Variants in PADI2 observed in about 807,000 individuals in gnomAD.
PADI2 encodes the protein peptidyl arginine deiminase 2.
A neutral mutation model predicts 81.1 loss-of-function variants in PADI2; 70 were observed. That is an observed-to-expected ratio of 0.86 (90% confidence interval 0.71 to 1.05). The LOEUF is 1.05. Ranked by LOEUF, PADI2 falls within the 50% of genes least tolerant of loss-of-function variation. The pLI is 0.00. For synonymous variants in PADI2, 338 were observed against 358.0 expected, an observed-to-expected ratio of 0.94 and a Z score of 0.63; for missense variants, 853 against 889.9, an observed-to-expected ratio of 0.96 and a Z score of 0.53.
intron 1 of PADI2, among the ~76,000 whole-genome samples, chr1:17,107,823 T>A (rs1472626064): frequency 3.3e-5 from 5 of 152,136 alleles, no homozygotes; most frequent in African/African-American, 1.2e-4. Context: ...AGGAGCTCAA[T>A]GAAGACACCC....
chr1:17,119,266 G>A lies in PADI2; in HGVS notation c.92+14C>T. The A allele has an allele frequency of 6.6e-7, 1 of 1,507,842 alleles. No individual in the cohort carries two copies. The highest frequency in any genetic ancestry group is 2.7e-5 in the East Asian group (1 of 36,422). The allele number at this position is 1,507,842 out of a possible 1,614,324, so 93.4% of individuals were successfully genotyped here. The stretch of plus-strand genomic sequence containing the variant: ...TCGAGATCTCGGCCCGGGCATCACG[G>A]TGGGCCGGCTCACCTGTAGACATCG... On this transcript the variant is annotated intron_variant, in intron 1 of 15. Coordinates refer to ENST00000375486, the MANE Select transcript of PADI2 (RefSeq NM_007365.3). This position sits in a 1 kb window ranked among gnomAD's most constrained non-coding sequence, Gnocchi z 4.8.
chr1:17,101,751 C>A (rs1010865755), intron 3 of PADI2, among the ~76,000 whole-genome samples: 1 of 152,154 alleles, frequency 6.6e-6, no homozygotes, highest in African/African-American at 2.4e-5. Flanking sequence ...TTCTGAGACC[C>A]CCCCTGAGAA....
chr1:17,105,084 G>GT (rs771845815), intron 1 of PADI2, 23 bp from the exon 2 acceptor site: 3 of 1,509,644 alleles, frequency 2.0e-6, no homozygotes, highest in South Asian at 2.5e-5. Flanking sequence ...ATGAGAGAGG[G>GT]TTAGGGAGAG....
At chr1:17,114,053 G>A (rs567347095) in intron 1 of PADI2, among the ~76,000 whole-genome samples, 12 of 152,362 alleles carry the variant, frequency 7.9e-5, no homozygotes, top group East Asian at 5.8e-4. Context: ...AAGGCATCCC[G>A]TTTGGGGTTG....
At position 17,079,261 on chromosome 1, in the gene PADI2, T is replaced by C. The variant is rs757414251; in HGVS notation, c.1310+3A>G. The C allele has an allele frequency of 6.2e-7, 1 of 1,612,520 alleles. No individual in the cohort carries two copies. Among genetic ancestry groups the C allele is most frequent in the Non-Finnish European group, 8.5e-7 (1 of 1,178,962 alleles). On this transcript the variant is annotated splice_donor_region_variant and intron_variant, in intron 11 of 15. Coordinates refer to ENST00000375486, the MANE Select transcript of PADI2 (RefSeq NM_007365.3). Reference sequence around the variant, plus strand: ...CCCCTAGCCCCAGCCTGGCTTCTCTTACAGAGGAAAGCTGCTCCCGATGAG... The same window carrying C: ...CCCCTAGCCCCAGCCTGGCTTCTCTCACAGAGGAAAGCTGCTCCCGATGAG...
At chr1:17,088,464 G>A (rs950999135) in intron 6 of PADI2, among the ~76,000 whole-genome samples, 4 of 152,180 alleles carry the variant, frequency 2.6e-5, no homozygotes, top group South Asian at 2.1e-4. Context: ...GATGAACCGC[G>A]AAGCCAGGGC....
intron 3 of PADI2, 99 bp downstream of exon 3, chr1:17,102,888 G>T: frequency 1.2e-6 from 1 of 834,120 alleles, no homozygotes. Flanking sequence ...CCAAGTGCCA[G>T]GTCAGCCGCA....
At chr1:17,074,810 G>T in intron 13 of PADI2, 46 bp downstream of exon 13, 2 of 1,247,138 alleles carry the variant, frequency 1.6e-6, no homozygotes, top group Non-Finnish European at 1.2e-6. Flanking sequence ...GGTCTCTCTG[G>T]GGCCTCCAGC....
At chr1:17,110,167 G>A (rs79150422) in intron 1 of PADI2, among the ~76,000 whole-genome samples, 91 of 152,268 alleles carry the variant, frequency 6.0e-4, no homozygotes, top group African/African-American at 2.0e-3. Context: ...AATCTCTCTC[G>A]CAGAAACCCG....
chr1:17,102,951 G>C (rs1481360864), intron 3 of PADI2, 36 bp downstream of exon 3: 33 of 1,522,686 alleles, frequency 2.2e-5, no homozygotes, highest in Non-Finnish European at 2.9e-5. Context: ...GGCCCTGGGT[G>C]ATGAAGGCAC....
rs550363222 is a variant in PADI2, at chr1:17,092,504, G to A, written c.559C>T (p.Arg187Trp). The part of the protein sequence containing the change: ...DLKDMSQMIL[R>W]TKGPDRLPAG... ...GGGAGGCGGTCGGGGCCTTTGGTCC[G>A]CAGGATCATCTGGGACATGTCCTTG... The change falls in exon 6 of 16, where the codon CGG (arginine) becomes TGG (tryptophan). Residue 187 changes from arginine (R) to tryptophan (W), a missense_variant. Arg to Trp is a moderately radical substitution (Grantham distance 101). Coordinates refer to ENST00000375486, the MANE Select transcript of PADI2 (RefSeq NM_007365.3). 53 of 1,604,090 alleles carry A rather than the reference G, an allele frequency of 3.3e-5. No homozygotes were observed. The South Asian group carries it at 3.4e-4, about 10-fold the overall frequency.
intron 15 of PADI2, 40 bp from the exon 16 acceptor site, chr1:17,069,317 T>C (rs2078248491): frequency 1.3e-6 from 2 of 1,484,582 alleles, no homozygotes; most frequent in South Asian, 2.3e-5. Flanking sequence ...TTCCATTTAG[T>C]GAGCACCTAG....
Position 17,075,803 on chromosome 1 carries a change from G to C in PADI2, c.1331C>G (p.Thr444Ser). The change falls in exon 12 of 16, where the codon ACC becomes AGC. Residue 444 changes from threonine to serine, a missense_variant. Transcript: ENST00000375486. ...CTTCAGGAAGTCACGCACCACCTTG[G>C]TCATCCTCCGACCACCAGACCTGGA... is the stretch of plus-strand genomic sequence containing the variant. ...SFPLSGGRRM[T>S]KVVRDFLKAQ... 1 of 1,613,874 alleles carries C rather than the reference G, an allele frequency of 6.2e-7. No homozygotes were observed. The highest frequency in any genetic ancestry group is 8.5e-7 in the Non-Finnish European group (1 of 1,179,908).
chr1:17,075,633 G>T (rs1249356408), intron 12 of PADI2, 46 bp downstream of exon 12: 4 of 1,549,204 alleles, frequency 2.6e-6, no homozygotes, highest in Non-Finnish European at 3.5e-6. Context: ...GTAATATATT[G>T]GTTTGCTGCT....
At chr1:17,118,484 C>T (rs922790613) in intron 1 of PADI2, among the ~76,000 whole-genome samples, 1 of 152,130 alleles carries the variant, frequency 6.6e-6, no homozygotes, top group South Asian at 2.1e-4. Flanking sequence ...TCTGGGATTG[C>T]GGGGGGAGTG....
At chr1:17,102,861 G>A in intron 3 of PADI2, 126 bp downstream of exon 3, 1 of 697,728 alleles carries the variant, frequency 1.4e-6, no homozygotes, top group Non-Finnish European at 2.6e-6. Context: ...CCAGGCCTGT[G>A]CCATTCAGAA....
chr1:17,105,540 A>G lies in PADI2; in HGVS notation c.93-479T>C, dbSNP rs555182036. Among the ~76,000 whole-genome samples the G allele has an allele frequency of 3.3e-5, 5 of 152,116 alleles. No individual in the cohort carries two copies. The South Asian group carries it at 1.0e-3, about 32-fold the overall frequency. The stretch of plus-strand genomic sequence containing the variant: ...CCTTCTGAATAGCTGGGATACAGGC[A>G]TGCACCACCACAGCTGGCTAATTTT... On this transcript the variant is annotated intron_variant, in intron 1 of 15. Coordinates refer to ENST00000375486, the MANE Select transcript of PADI2 (RefSeq NM_007365.3).
intron 13 of PADI2, 152 bp from the exon 14 acceptor site, chr1:17,071,643 C>T: frequency 1.6e-6 from 1 of 623,882 alleles, no homozygotes; most frequent in Non-Finnish European, 2.9e-6. Flanking sequence ...AGGGCACTCC[C>T]AGGCAAAATC....
In PADI2 at chr1:17,095,918, G is replaced by A. The variant is rs760103390; in HGVS notation, c.402C>T (p.Asn134=). ...CCTGAAAGCTAGGTACCTTCTTTGG[G>A]TTGTTCTTCTCCACCACACCATCCC... ...ADRDGVVEKN[N]PKKASWTWGP... is the part of the protein sequence containing the mutation. The change falls in exon 4 of 16, where the codon AAC becomes AAT. Residue 134 remains asparagine, a synonymous_variant. Coordinates refer to ENST00000375486, the MANE Select transcript of PADI2 (RefSeq NM_007365.3). The A allele has an allele frequency of 7.5e-6, 12 of 1,608,274 alleles. No homozygotes were observed. The East Asian group carries it at 2.5e-4, about 33-fold the overall frequency.
Sources: gnomAD v4.1 joint callset for allele counts (sites outside exome capture counted in the v4.1 genomes callset) on GRCh38, gnomAD v4.1.1 for gene constraint, Gnocchi (gnomAD v3.1) non-coding constraint, MANE v1.5 for transcripts, NCBI Gene and HGNC (gene_info 2026-07-23, HGNC 2026-07-21) for gene names.